The following PIM1 variants were observed in gnomAD, a reference collection of about 807,000 sequenced individuals.
PIM1 encodes the protein serine/threonine-protein kinase pim-1.
Under a neutral mutation model 34.5 loss-of-function variants are expected in PIM1, and 9 were observed. The observed-to-expected ratio is 0.26, with a 90% CI of 0.16 to 0.46. The LOEUF is 0.46. PIM1 is among the 20% of genes least tolerant of loss of function. The pLI is 1.00. For synonymous variants in PIM1, 199 were observed against 175.2 expected, an observed-to-expected ratio of 1.14 and a Z score of -1.07; for missense variants, 274 against 410.9, an observed-to-expected ratio of 0.67 and a Z score of 2.88.
rs1001162519 is a variant in PIM1, at chr6:37,170,223, G to C, written c.-353G>C. 8.6e-5 allele frequency: 109 copies of C among 1,272,648 alleles called. No individual in the cohort carries two copies. The highest frequency in any genetic ancestry group is 1.1e-4 in the Non-Finnish European group (107 of 1,005,478). 78.8% of individuals were successfully genotyped at this position (1,272,648 alleles called of 1,614,324 possible). ...TGGCTGAGGAGGCCCGAGAGGAGTC[G>C]GTGGCAGCGGCGGCGGCGGGACCGG... is the stretch of plus-strand genomic sequence containing the variant. On this transcript the variant is annotated 5_prime_UTR_variant, in exon 1 of 6. Coordinates refer to ENST00000373509, the MANE Select transcript of PIM1 (RefSeq NM_002648.4).
At chr6:37,173,832 G>C in intron 5 of PIM1, 102 bp from the exon 6 acceptor site, 3 of 1,083,294 alleles carry the variant, frequency 2.8e-6, no homozygotes, top group Non-Finnish European at 4.0e-6. Flanking sequence ...GGCCTCCCTG[G>C]GACCCCAGAC....
In PIM1 at chr6:37,170,820, C is replaced by T; in HGVS notation, c.130C>T (p.Leu44=). The T allele has an allele frequency of 1.2e-6, 2 of 1,613,186 alleles. No individual in the cohort carries two copies. The highest frequency in any genetic ancestry group is 1.7e-6 in the Non-Finnish European group (2 of 1,179,696). The stretch of plus-strand genomic sequence containing the variant: ...GTCGCAGTACCAGGTGGGCCCGCTA[C>T]TGGGCAGCGGCGGCTTCGGCTCGGT... The part of the protein sequence containing the change: ...LESQYQVGPL[L]GSGGFGSVYS... Residue 44 remains leucine (L), a synonymous_variant, in exon 2 of 6, where the codon CTG becomes TTG. Transcript: ENST00000373509.
Position 37,170,481 on chromosome 6 carries a change from A to C in PIM1, c.-95A>C. On this transcript the variant is annotated 5_prime_UTR_variant, in exon 1 of 6. Coordinates refer to ENST00000373509, the MANE Select transcript of PIM1 (RefSeq NM_002648.4). ...GCCACCCGCAGCCACAGCCACAGCC[A>C]CAGCCCCAGGCATAGCCTTCGGCAC... is the stretch of plus-strand genomic sequence containing the variant. The C allele has an allele frequency of 1.1e-5, 17 of 1,579,052 alleles. No homozygotes were observed. The highest frequency in any genetic ancestry group is 1.5e-5 in the Non-Finnish European group (17 of 1,167,808).
chr6:37,171,046 G>A lies in PIM1; in HGVS notation c.240+15G>A. 6.2e-7 allele frequency: 1 copy of A among 1,614,094 alleles called. No homozygotes were observed. Among genetic ancestry groups the A allele is most frequent in the African/African-American group, 1.3e-5 (1 of 75,074 alleles). ...GGGGAGAGCTGGTGAGTGCCCTGCA[G>A]GAGCGACCCCCAGGATGAGTGGGTG... On this transcript the variant is annotated intron_variant, in intron 3 of 5. Coordinates refer to ENST00000373509, the MANE Select transcript of PIM1 (RefSeq NM_002648.4).
intron 4 of PIM1, among the ~76,000 whole-genome samples, chr6:37,171,766 C>T (rs1354021154): frequency 6.6e-6 from 1 of 152,184 alleles, no homozygotes; most frequent in African/African-American, 2.4e-5. Flanking sequence ...TGTGGGCAAC[C>T]GGCGGTAGCC....
chr6:37,170,961 C>G lies in PIM1; in HGVS notation c.190-20C>G, dbSNP rs1490573387. 6.2e-7 allele frequency: 1 copy of G among 1,613,936 alleles called. No homozygotes were observed. Among genetic ancestry groups the G allele is most frequent in the Non-Finnish European group, 8.5e-7 (1 of 1,179,960 alleles). On this transcript the variant is annotated intron_variant, in intron 2 of 5. Transcript: ENST00000373509. ...CTTTAGCCCGGACGAGGGAACCTGA[C>G]GGAGACCCTGGGCTTCCAGGTGGCC... is the stretch of plus-strand genomic sequence containing the variant.
intron 4 of PIM1, among the ~76,000 whole-genome samples, chr6:37,172,257 C>T (rs1052285630): frequency 1.3e-5 from 2 of 152,238 alleles, no homozygotes; most frequent in East Asian, 1.9e-4. Context: ...TTTATTTGCC[C>T]TTGGAGGACG....
Position 37,170,419 on chromosome 6 carries a change from C to T in PIM1, c.-157C>T. ...GCCCTCAGTTGTCCTCCGACTCGCC[C>T]TCGGCCTTCCGCGCCAGCCGCAGCC... is the stretch of plus-strand genomic sequence containing the variant. On this transcript the variant is annotated 5_prime_UTR_variant, in exon 1 of 6. Coordinates refer to ENST00000373509, the MANE Select transcript of PIM1 (RefSeq NM_002648.4). The T allele has an allele frequency of 1.3e-6, 2 of 1,535,370 alleles. No individual in the cohort carries two copies. The highest frequency in any genetic ancestry group is 1.4e-5 in the African/African-American group (1 of 72,840).
chr6:37,171,780 A>G (rs991939418), intron 4 of PIM1, among the ~76,000 whole-genome samples: 1 of 152,120 alleles, frequency 6.6e-6, no homozygotes, highest in Non-Finnish European at 1.5e-5. Flanking sequence ...GGTAGCCCAG[A>G]TTTTTCTAAA....
At position 37,174,528 on chromosome 6, in the gene PIM1, C is replaced by A. The variant is rs1250385658; in HGVS notation, c.*437C>A. ...TCCCTGTCACCTCTTCCGACTCTTT[C>A]TGAGTGCCTTCTGTGGGGACTCCGG... On this transcript the variant is annotated 3_prime_UTR_variant, in exon 6 of 6. Coordinates refer to ENST00000373509, the MANE Select transcript of PIM1 (RefSeq NM_002648.4). The A allele has an allele frequency of 4.3e-6, 1 of 235,176 alleles. No individual in the cohort carries two copies. The highest frequency in any genetic ancestry group is 8.4e-6 in the Non-Finnish European group (1 of 118,930). 14.6% of individuals were successfully genotyped at this position (235,176 alleles called of 1,614,324 possible).
chr6:37,171,667 C>G (rs1305833679), intron 4 of PIM1, among the ~76,000 whole-genome samples, 176 bp downstream of exon 4: 1 of 152,266 alleles, frequency 6.6e-6, no homozygotes, highest in Non-Finnish European at 1.5e-5. Context: ...CGGGGATTTT[C>G]AGCCAGCTGA....
At position 37,174,445 on chromosome 6, in the gene PIM1, G is replaced by A. The variant is rs565722426; in HGVS notation, c.*354G>A. ...CATCATGAGTTCTGCTGAATGCCGC[G>A]ATGGGTCAGGTAGGGGGGAAACAGG... On this transcript the variant is annotated 3_prime_UTR_variant, in exon 6 of 6. Transcript: ENST00000373509. 1.7e-3 allele frequency: 451 copies of A among 272,520 alleles called. 3 individuals are homozygous for A. The highest frequency in any genetic ancestry group is 8.7e-3 in the African/African-American group (407 of 46,606). The allele number at this position is 272,520 out of a possible 1,614,324, so 16.9% of individuals were successfully genotyped here.
At chr6:37,171,618 CG>C in intron 4 of PIM1, 127 bp downstream of exon 4, 1 of 1,166,700 alleles carries the variant, frequency 8.6e-7, no homozygotes, top group African/African-American at 1.5e-5. Flanking sequence ...CGATGCTAGC[CG>C]GGGTGGGACG....
Position 37,170,635 on chromosome 6 carries a change from G to A in PIM1, c.60G>A (p.Leu20=), listed in dbSNP as rs777546471. The change falls in exon 1 of 6, where the codon CTG becomes CTA. Residue 20 remains leucine (L), a synonymous_variant. Transcript: ENST00000373509. ...TGCGCGCCGCGCCCTGCAACGACCT[G>A]CACGCCACCAAGCTGGCGCCCGGTG... ...AHLRAAPCND[L]HATKLAPGKE... 6 of 1,612,634 alleles carry A rather than the reference G, an allele frequency of 3.7e-6. No homozygotes were observed. Among genetic ancestry groups the A allele is most frequent in the South Asian group, 1.1e-5 (1 of 91,044 alleles).
rs1762355273 is a variant in PIM1 at position 37,173,999 on chromosome 6, A to G, written c.850A>G (p.Ile284Val). The G allele has an allele frequency of 6.2e-7, 1 of 1,614,006 alleles. No homozygotes were observed. Among genetic ancestry groups the G allele is most frequent in the South Asian group, 1.1e-5 (1 of 91,090 alleles). ...RPSDRPTFEE[I>V]QNHPWMQDVL... The stretch of plus-strand genomic sequence containing the variant: ...ATCAGATAGGCCAACCTTCGAAGAA[A>G]TCCAGAACCATCCATGGATGCAAGA... The change falls in exon 6 of 6, where the codon ATC becomes GTC. Residue 284 changes from isoleucine to valine, a missense_variant. This residue lies in a region of PIM1 where 168 missense variants were observed against 299.4 expected (regional missense o/e 0.56). Transcript: ENST00000373509.
rs1002712581 is a variant in PIM1 at position 37,174,444 on chromosome 6, C to T, written c.*353C>T. 1.0e-4 allele frequency: 27 copies of T among 266,154 alleles called. No individual in the cohort carries two copies. The highest frequency in any genetic ancestry group is 4.5e-4 in the African/African-American group (21 of 46,186). 16.5% of individuals were successfully genotyped at this position (266,154 alleles called of 1,614,324 possible). ...TCATCATGAGTTCTGCTGAATGCCG[C>T]GATGGGTCAGGTAGGGGGGAAACAG... On this transcript the variant is annotated 3_prime_UTR_variant, in exon 6 of 6. Transcript: ENST00000373509.
chr6:37,172,750 G>T (rs750193473), intron 4 of PIM1: 2 of 638,850 alleles, frequency 3.1e-6, no homozygotes, highest in South Asian at 3.0e-5. Context: ...GTTTCTTGGA[G>T]CAGTTCATAA....
At position 37,170,785 on chromosome 6, in the gene PIM1, A is replaced by G. The variant is rs2113769415; in HGVS notation, c.95A>G (p.Glu32Gly). The change falls in exon 2 of 6, where the codon GAG (glutamate) becomes GGG (glycine). Residue 32 changes from glutamate to glycine, a missense_variant. Around this residue, in one of 2 missense-constraint regions of PIM1, gnomAD observed 106 missense variants for 111.5 expected, o/e 0.95. Transcript: ENST00000373509. ...ATKLAPGKEK[E>G]PLESQYQVGP... ...CCCCCTTTCCTAGGCAAGGAGAAGG[A>G]GCCCCTGGAGTCGCAGTACCAGGTG... The G allele has an allele frequency of 6.2e-7, 1 of 1,612,606 alleles. No homozygotes were observed.
At chr6:37,172,781 G>C in intron 4 of PIM1, 1 of 676,984 alleles carries the variant, frequency 1.5e-6, no homozygotes, top group African/African-American at 1.8e-5. Flanking sequence ...TTTATGGTTT[G>C]GGCTAGCAGA....
Sources: gnomAD v4.1 joint callset for allele counts (sites outside exome capture counted in the v4.1 genomes callset) on GRCh38, gnomAD v4.1.1 for gene constraint, gnomAD v4.1.1 regional missense constraint, MANE v1.5 for transcripts, NCBI Gene and HGNC (gene_info 2026-07-23, HGNC 2026-07-21) for gene names.